MBD4: variants seen among roughly 807,000 people sequenced by gnomAD.
The protein encoded by MBD4 is methyl-CpG binding domain 4, DNA glycosylase.
In MBD4, 53 loss-of-function variants were observed where a neutral mutation model predicts 60.2. That is an observed-to-expected ratio of 0.88 (90% CI 0.71 to 1.11). MBD4 has a LOEUF of 1.11. Ranked by LOEUF, MBD4 falls within the 50% of genes least tolerant of loss-of-function variation. The pLI is 0.00. For missense variants in MBD4, 619 were observed against 674.0 expected (o/e 0.92, Z 0.90); for synonymous variants, 231 against 229.8 (o/e 1.01, Z -0.05).
rs1360092347 is a variant in MBD4 at position 129,436,468 on chromosome 3, G to T, written c.1176C>A (p.Asp392Glu). 1.2e-6 allele frequency: 2 copies of T among 1,613,924 alleles called. No homozygotes were observed. The highest frequency in any genetic ancestry group is 1.7e-6 in the Non-Finnish European group (2 of 1,180,012). ...MDNNCSPTRK[D>E]FTEDTIPRTQ... Reference sequence around the variant, plus strand: ...CTTGAAATATTTTCTCACCAGTGAAGTCTTTCCTGGTTGGTGAGCAGTTGT... The same window carrying T: ...CTTGAAATATTTTCTCACCAGTGAATTCTTTCCTGGTTGGTGAGCAGTTGT... Residue 392 changes from aspartate (D) to glutamate (E), a missense_variant, in exon 3 of 8, where the codon GAC becomes GAA. By Grantham distance (45) the Asp-to-Glu change is conservative (BLOSUM62 2). Coordinates refer to ENST00000429544, the MANE Select transcript of MBD4 (RefSeq NM_001276270.2).
In MBD4 at chr3:129,431,627, C is replaced by G. The variant is rs1241001642; in HGVS notation, c.1648-49G>C. The G allele has an allele frequency of 3.7e-6, 5 of 1,336,932 alleles. No individual in the cohort carries two copies. In the Admixed American group the frequency reaches 6.7e-5, roughly 18 times the overall value. The allele number at this position is 1,336,932 out of a possible 1,614,324, so 82.8% of individuals were successfully genotyped here. On this transcript the variant is annotated intron_variant, in intron 7 of 7. Coordinates refer to ENST00000429544, the MANE Select transcript of MBD4 (RefSeq NM_001276270.2). ...GGCAGAGACCTTAATGTAACTTAGT[C>G]AGAAATACATTTTTTAAAATTGGCT... is the stretch of plus-strand genomic sequence containing the variant.
At chr3:129,437,408 GC>G in intron 2 of MBD4, 100 bp from the exon 3 acceptor site, 2 of 957,326 alleles carry the variant, frequency 2.1e-6, no homozygotes, top group Non-Finnish European at 3.2e-6. Flanking sequence ...TCCAAATGTT[GC>G]CATAGGTATC....
In MBD4 at chr3:129,433,056, C is replaced by A. The variant is rs1382601592; in HGVS notation, c.1543+42G>T. 3 of 1,609,754 alleles carry A rather than the reference C, an allele frequency of 1.9e-6. No homozygotes were observed. In the African/African-American group the frequency reaches 4.0e-5, roughly 22 times the overall value. On this transcript the variant is annotated intron_variant, in intron 6 of 7. Coordinates refer to ENST00000429544, the MANE Select transcript of MBD4 (RefSeq NM_001276270.2). The stretch of plus-strand genomic sequence containing the variant: ...TTAAGGTGTGGCTCTCTTAAATAAG[C>A]ACAATGTATTATGTTTTTCCTTTGG...
chr3:129,436,703 T>C lies in MBD4; in HGVS notation c.941A>G (p.Glu314Gly). Reference protein sequence around the residue: ...SEENSLVKKKERSLSSGSNFC... With the variant: ...SEENSLVKKKGRSLSSGSNFC... ...ATTTGATCCTGAACTCAATGATCTT[T>C]CTTTTTTTTTTACAAGGCTGTTTTC... The change falls in exon 3 of 8, where the codon GAA (glutamate) becomes GGA (glycine). Residue 314 changes from glutamate to glycine, a missense_variant. By Grantham distance (98) the Glu-to-Gly change is moderately conservative. Coordinates refer to ENST00000429544, the MANE Select transcript of MBD4 (RefSeq NM_001276270.2). 6 of 1,614,006 alleles carry C rather than the reference T, an allele frequency of 3.7e-6. No homozygotes were observed. The highest frequency in any genetic ancestry group is 5.1e-6 in the Non-Finnish European group (6 of 1,179,996).
At chr3:129,434,038 C>A in intron 4 of MBD4, 24 bp downstream of exon 4, 3 of 1,613,974 alleles carry the variant, frequency 1.9e-6, no homozygotes, top group Non-Finnish European at 2.5e-6. Context: ...TTAGAATTTG[C>A]TGTTCTGATT....
At chr3:129,432,838 G>A (rs1411983375) in intron 6 of MBD4, among the ~76,000 whole-genome samples, 2 of 152,182 alleles carry the variant, frequency 1.3e-5, no homozygotes, top group Non-Finnish European at 2.9e-5. Context: ...ATGTCCTTGA[G>A]GTCAAGAACT....
chr3:129,433,203 G>A lies in MBD4; in HGVS notation c.1438C>T (p.Pro480Ser). Residue 480 changes from proline to serine, a missense_variant, in exon 6 of 8, where the codon CCT (proline) becomes TCT (serine). Physicochemically the swap from Pro to Ser is moderately conservative, Grantham distance 74. Transcript: ENST00000429544. ...GCGGTTCTTGCTACCTCAGCTGAAGGATACTTCTCCAGAAACTTCCAAAGC... is the reference window on the plus strand; with the variant it reads ...GCGGTTCTTGCTACCTCAGCTGAAGAATACTTCTCCAGAAACTTCCAAAGC... ...PVLWKFLEKYPSAEVARTADW... is the reference protein window; with the variant it reads ...PVLWKFLEKYSSAEVARTADW... 1 of 1,614,186 alleles carries A rather than the reference G, an allele frequency of 6.2e-7. No homozygotes were observed. Among genetic ancestry groups the A allele is most frequent in the Admixed American group, 1.7e-5 (1 of 60,026 alleles).
rs1474258493 is a variant in MBD4 at position 129,433,320 on chromosome 3, AG to A, written c.1394-74del. On this transcript the variant is annotated intron_variant, in intron 5 of 7. Coordinates refer to ENST00000429544, the MANE Select transcript of MBD4 (RefSeq NM_001276270.2). ...ATTTCATGTTCAAGTAGTTTCTCAT[AG>A]AAATCTCATCCAGAGGGTTTTTTTT... 10 of 1,528,114 alleles carry A rather than the reference AG, an allele frequency of 6.5e-6. No homozygotes were observed. The Admixed American group carries it at 6.7e-5, about 10-fold the overall frequency. The allele number at this position is 1,528,114 out of a possible 1,614,324, so 94.7% of individuals were successfully genotyped here. A position where few individuals can be genotyped will look rare whatever the true frequency, so the allele number is the denominator to read the frequency against.
rs2307286 is a variant in MBD4 at position 129,431,567 on chromosome 3, T to A, written c.1659A>T (p.Glu553Asp). 12 of 1,611,582 alleles carry A rather than the reference T, an allele frequency of 7.4e-6. No homozygotes were observed. The highest frequency in any genetic ancestry group is 1.3e-5 in the African/African-American group (1 of 74,920). The change falls in exon 8 of 8, where the codon GAA becomes GAT. Residue 553 changes from glutamate to aspartate, a missense_variant. Physicochemically the swap from Glu to Asp is conservative, Grantham distance 45. Coordinates refer to ENST00000429544, the MANE Select transcript of MBD4 (RefSeq NM_001276270.2). ...CVNEWKQVHP[E>D]DHKLNKYHDW... ...CATGATATTTATTTAATTTGTGGTC[T>A]TCAGGGTGCACCTGGAAGAAACATA... is the stretch of plus-strand genomic sequence containing the variant.
At chr3:129,439,536 AGGAAGT>A (rs1327532635) in intron 1 of MBD4, among the ~76,000 whole-genome samples, 188 bp downstream of exon 1, 4 of 152,120 alleles carry the variant, frequency 2.6e-5, no homozygotes, top group African/African-American at 9.7e-5. Context: ...ATCTTAGATG[AGGAAGT>A]CGAGCGCACC....
At chr3:129,437,475 T>A (rs564985923) in intron 2 of MBD4, among the ~76,000 whole-genome samples, 167 bp from the exon 3 acceptor site, 1 of 152,346 alleles carries the variant, frequency 6.6e-6, no homozygotes, top group East Asian at 1.9e-4. Context: ...GTTTCCTCTA[T>A]GACAATATAA....
chr3:129,433,032 T>C (rs1316623821), intron 6 of MBD4, 66 bp downstream of exon 6: 4 of 1,584,134 alleles, frequency 2.5e-6, no homozygotes, highest in South Asian at 2.2e-5. Flanking sequence ...CATTAAAGTT[T>C]AAGGTGTGGC....
chr3:129,435,174 AGAC>A (rs2107753114), intron 3 of MBD4, among the ~76,000 whole-genome samples: 1 of 152,288 alleles, frequency 6.6e-6, no homozygotes, highest in South Asian at 2.1e-4. Flanking sequence ...CCAGATAATT[AGAC>A]TACTGTTTTT....
Position 129,432,613 on chromosome 3 carries a change from A to G in MBD4, c.1544-7T>C. On this transcript the variant is annotated splice_polypyrimidine_tract_variant and splice_region_variant and intron_variant, in intron 6 of 7. Coordinates refer to ENST00000429544, the MANE Select transcript of MBD4 (RefSeq NM_001276270.2). ...TGCTTTGTCAGGTATTCATCTGAAG[A>G]ATACAACATCCCACATTATCAGGTC... The G allele has an allele frequency of 3.7e-6, 6 of 1,613,874 alleles. No homozygotes were observed. The highest frequency in any genetic ancestry group is 4.2e-6 in the Non-Finnish European group (5 of 1,179,740).
At position 129,437,188 on chromosome 3, in the gene MBD4, C is replaced by G. The variant is rs944624010; in HGVS notation, c.456G>C (p.Lys152Asn). The change falls in exon 3 of 8, where the codon AAG becomes AAC. Residue 152 changes from lysine (K) to asparagine (N), a missense_variant. Lys to Asn is a moderately conservative substitution (Grantham distance 94, BLOSUM62 0). Coordinates refer to ENST00000429544, the MANE Select transcript of MBD4 (RefSeq NM_001276270.2). The part of the protein sequence containing the change: ...DFTVLSKRGI[K>N]SRYKDCSMAA... ...CCATGCTGCAGTCTTTATATCTTGA[C>G]TTGATACCCCTTTTAGAAAGTACAG... 6.2e-7 allele frequency: 1 copy of G among 1,613,958 alleles called. No individual in the cohort carries two copies. The highest frequency in any genetic ancestry group is 1.7e-5 in the Admixed American group (1 of 59,996).
chr3:129,439,706 G>A (rs761146738), intron 1 of MBD4, 24 bp downstream of exon 1: 3 of 1,383,546 alleles, frequency 2.2e-6, no homozygotes, highest in African/African-American at 2.8e-5. Context: ...TGAAACTGAG[G>A]CCCAAAAGGG....
intron 1 of MBD4, among the ~76,000 whole-genome samples, chr3:129,438,968 G>T (rs1449904141): frequency 2.0e-5 from 3 of 151,820 alleles, no homozygotes; most frequent in African/African-American, 7.3e-5. Context: ...CTTCATTAAA[G>T]TTCCAATGTG....
intron 7 of MBD4, 101 bp downstream of exon 7, chr3:129,432,402 G>C: frequency 6.2e-7 from 1 of 1,604,686 alleles, no homozygotes; most frequent in Non-Finnish European, 8.5e-7. Context: ...GTTTGTGACT[G>C]TAATAGCATT....
At chr3:129,438,065 G>A (rs2072505376) in intron 1 of MBD4, 115 bp from the exon 2 acceptor site, 2 of 695,974 alleles carry the variant, frequency 2.9e-6, no homozygotes, top group Non-Finnish European at 2.5e-6. Context: ...TAAAATGAGG[G>A]AGATTAAAGT....
Sources: allele counts gnomAD v4.1 joint callset (sites outside exome capture counted in the v4.1 genomes callset), GRCh38; gene constraint gnomAD v4.1.1; transcripts MANE v1.5; gene names NCBI Gene and HGNC (gene_info 2026-07-23, HGNC 2026-07-21).